Variants in A2ML1 observed in about 807,000 individuals in gnomAD.
A2ML1 encodes alpha-2-macroglobulin-like protein 1.
In A2ML1, 161 loss-of-function variants were observed where a neutral mutation model predicts 181.9. The ratio of observed to expected loss-of-function variants is 0.89; its 90% CI spans 0.78 to 1.01. A2ML1 has a LOEUF of 1.01. A2ML1 is among the 50% of genes least tolerant of loss of function. A2ML1 has a pLI of 0.00. For missense variants in A2ML1, 1,670 were observed against 1,768.1 expected (o/e 0.94, Z 1.00); for synonymous variants, 663 against 666.8 (o/e 0.99, Z 0.09).
intron 12 of A2ML1, chr12:8,844,865 C>T (rs1011723680): frequency 2.8e-5 from 14 of 504,360 alleles, no homozygotes; most frequent in African/African-American, 2.6e-4. Flanking sequence ...GCTGGGCAGG[C>T]GTCCAAGGAA....
chr12:8,835,572 G>A lies in A2ML1; in HGVS notation c.549G>A (p.Leu183=). ...EVVPEQGIVD[L]SFQLAPEAML... is the part of the protein sequence containing the mutation. Reference sequence around the variant, plus strand: ...TACCTGAGCAAGGCATTGTAGACCTGTCCTTCCAACTGGCACCAGAGGCAA... The same window carrying A: ...TACCTGAGCAAGGCATTGTAGACCTATCCTTCCAACTGGCACCAGAGGCAA... Residue 183 remains leucine, a synonymous_variant, in exon 6 of 36, where the codon CTG becomes CTA. Transcript: ENST00000299698. 1.2e-6 allele frequency: 2 copies of A among 1,614,212 alleles called. No individual in the cohort carries two copies. Among genetic ancestry groups the A allele is most frequent in the Non-Finnish European group, 1.7e-6 (2 of 1,180,036 alleles).
At chr12:8,831,437 GCT>G (rs1028500288) in intron 4 of A2ML1, among the ~76,000 whole-genome samples, 3 of 152,106 alleles carry the variant, frequency 2.0e-5, no homozygotes, top group Non-Finnish European at 2.9e-5. Context: ...CTGCAGTTAG[GCT>G]CTTTCTCTTG....
intron 3 of A2ML1, among the ~76,000 whole-genome samples, chr12:8,826,235 C>T (rs1351872473): frequency 6.6e-6 from 1 of 152,128 alleles, no homozygotes; most frequent in Non-Finnish European, 1.5e-5. Context: ...TCAATTCTTC[C>T]AATCCAGAAA....
chr12:8,864,153 A>C (rs1203027544), intron 29 of A2ML1, 145 bp downstream of exon 29: 1 of 706,184 alleles, frequency 1.4e-6, no homozygotes, highest in Admixed American at 3.0e-5. Context: ...AGTATTCATA[A>C]AATGGGTTAT....
intron 7 of A2ML1, among the ~76,000 whole-genome samples, chr12:8,886,314 T>C (rs1442926243): frequency 6.6e-6 from 1 of 152,234 alleles, no homozygotes; most frequent in Non-Finnish European, 1.5e-5. Context: ...TCAATTTCTC[T>C]CAGCAGTGTT....
Position 8,823,805 on chromosome 12 carries a change from A to G in A2ML1, c.332A>G (p.Lys111Arg), listed in dbSNP as rs201364396. The G allele has an allele frequency of 4.3e-6, 7 of 1,614,130 alleles. No homozygotes were observed. The highest frequency in any genetic ancestry group is 5.1e-6 in the Non-Finnish European group (6 of 1,180,014). Residue 111 changes from lysine (K) to arginine (R), a missense_variant, in exon 3 of 36, where the codon AAA becomes AGA. Transcript: ENST00000299698. The stretch of plus-strand genomic sequence containing the variant: ...AATAACATCAGCTTTGAGGAGAAGA[A>G]AAAGGTTCTAATTCAGAGGCAGGGG... ...VGNNISFEEK[K>R]KVLIQRQGNG...
chr12:8,883,521 A>G (rs1369472301), intron 7 of A2ML1, among the ~76,000 whole-genome samples: 5 of 151,952 alleles, frequency 3.3e-5, no homozygotes, highest in African/African-American at 1.2e-4. Flanking sequence ...CTTGTTGCCC[A>G]GGCTGGAGTG....
At position 8,835,538 on chromosome 12, in the gene A2ML1, T is replaced by C. The variant is rs764815505; in HGVS notation, c.515T>C (p.Leu172Pro). 1 of 1,614,190 alleles carries C rather than the reference T, an allele frequency of 6.2e-7. No individual in the cohort carries two copies. Among genetic ancestry groups the C allele is most frequent in the South Asian group, 1.1e-5 (1 of 91,088 alleles). ...DPNSNRIAQWLEVVPEQGIVD... is the reference protein window; with the variant it reads ...DPNSNRIAQWPEVVPEQGIVD... ...AATAGCAACAGGATTGCACAGTGGC[T>C]GGAAGTGGTACCTGAGCAAGGCATT... is the stretch of plus-strand genomic sequence containing the variant. Residue 172 changes from leucine to proline, a missense_variant, in exon 6 of 36, where the codon CTG (leucine) becomes CCG (proline). By Grantham distance (98) the Leu-to-Pro change is moderately conservative. Transcript: ENST00000299698.
At position 8,824,917 on chromosome 12, in the gene A2ML1, G is replaced by T. The variant is rs551760139; in HGVS notation, c.409+1035G>T. 4.9e-4 allele frequency among the ~76,000 whole-genome samples: 75 copies of T among 152,210 alleles called. 1 individual carries two copies. The highest frequency in any genetic ancestry group is 6.3e-4 in the Non-Finnish European group (43 of 68,000). The stretch of plus-strand genomic sequence containing the variant: ...CATTCAGGCTGTTGCAAAGGATGGG[G>T]TCTCATTCTTTTTTATGGCTGAATA... On this transcript the variant is annotated intron_variant, in intron 3 of 35. Coordinates refer to ENST00000299698, the MANE Select transcript of A2ML1 (RefSeq NM_144670.6).
At chr12:8,837,195 T>A (rs966051244) in intron 7 of A2ML1, among the ~76,000 whole-genome samples, 1 of 152,036 alleles carries the variant, frequency 6.6e-6, no homozygotes, top group Admixed American at 6.5e-5. Flanking sequence ...AATTTTTGTA[T>A]TTTTAGTAGA....
chr12:8,837,934 G>T (rs772409298), intron 8 of A2ML1, among the ~76,000 whole-genome samples: 13 of 146,690 alleles, frequency 8.9e-5, no homozygotes, highest in Non-Finnish European at 8.9e-5. Flanking sequence ...GTCCTAAAGC[G>T]TAAGGAAGCA....
intron 33 of A2ML1, among the ~76,000 whole-genome samples, chr12:8,870,821 C>G (rs1944598852): frequency 6.6e-6 from 1 of 152,142 alleles, no homozygotes; most frequent in Non-Finnish European, 1.5e-5. Context: ...GACACCATGC[C>G]TGAGACTGCA....
chr12:8,839,313 G>C (rs778217145), intron 10 of A2ML1, 91 bp downstream of exon 10: 4 of 822,172 alleles, frequency 4.9e-6, no homozygotes, highest in Non-Finnish European at 7.9e-6. Context: ...AGCTAACTTA[G>C]TGCTGTTCCA....
chr12:8,860,288 C>A (rs762057115), intron 26 of A2ML1, among the ~76,000 whole-genome samples: 16 of 152,156 alleles, frequency 1.1e-4, no homozygotes, highest in Non-Finnish European at 1.3e-4. Flanking sequence ...AAGCGATCCT[C>A]CCCACCGACT....
chr12:8,857,433 C>T (rs1046502684), intron 24 of A2ML1, 74 bp from the exon 25 acceptor site: 1 of 1,607,000 alleles, frequency 6.2e-7, no homozygotes, highest in Non-Finnish European at 8.5e-7. Flanking sequence ...CCTCAAGTGT[C>T]CCATATCCTT....
rs1452742430 is a variant in A2ML1 at position 8,852,986 on chromosome 12, G to A, written c.2590+650G>A. On this transcript the variant is annotated intron_variant, in intron 20 of 35. Coordinates refer to ENST00000299698, the MANE Select transcript of A2ML1 (RefSeq NM_144670.6). This position sits in a 1 kb window ranked among gnomAD's most constrained non-coding sequence, Gnocchi z 4.2. ...GCTGGGATTACAGGCGTGAGCCGCT[G>A]CGCCTGGCCTTTTATTTTTTTTTAG... Among the ~76,000 whole-genome samples, 1 of 152,124 alleles carries A rather than the reference G, an allele frequency of 6.6e-6. No homozygotes were observed. Among genetic ancestry groups the A allele is most frequent in the Non-Finnish European group, 1.5e-5 (1 of 68,026 alleles).
At chr12:8,886,985 A>C (rs1246338892) in exon 8 of A2ML1, 1 of 152,094 alleles carries the variant, frequency 6.6e-6, no homozygotes, top group Non-Finnish European at 1.5e-5. Flanking sequence ...TCTACAAAAA[A>C]ATATAAATAA....
chr12:8,880,209 C>CAA (rs11302723), downstream of A2ML1, among the ~76,000 whole-genome samples: 3 of 151,744 alleles, frequency 2.0e-5, no homozygotes, highest in African/African-American at 7.3e-5. Context: ...AGTAAAAATA[C>CAA]AAAAAAATCA....
chr12:8,824,464 C>T (rs2377593), intron 3 of A2ML1, among the ~76,000 whole-genome samples: 22,605 of 151,670 alleles, frequency 0.15, 2,080 homozygotes, highest in East Asian at 0.4. Context: ...TATCCATCAC[C>T]TCAAGCATTT....
Sources: gnomAD v4.1 joint callset for allele counts (sites outside exome capture counted in the v4.1 genomes callset) on GRCh38, gnomAD v4.1.1 for gene constraint, Gnocchi (gnomAD v3.1) non-coding constraint, MANE v1.5 for transcripts, NCBI Gene and HGNC (gene_info 2026-07-23, HGNC 2026-07-21) for gene names.